The following ATG10 variants were observed in gnomAD, a reference collection of about 807,000 sequenced individuals.
ATG10 encodes autophagy related 10.
Under a neutral mutation model 32.1 loss-of-function variants are expected in ATG10, and 30 were observed. That is an observed-to-expected ratio of 0.94 (90% confidence interval 0.70 to 1.27). ATG10 has a LOEUF of 1.27. Among genes scored for constraint, ATG10 ranks in the 50% most tolerant of loss-of-function variants. The pLI is 0.00. For synonymous variants in ATG10, 87 were observed against 91.5 expected (o/e 0.95, Z 0.28); for missense variants, 233 against 262.3 (o/e 0.89, Z 0.77).
At chr5:82,057,792 T>C (rs926235746) in intron 2 of ATG10, among the ~76,000 whole-genome samples, 2 of 152,118 alleles carry the variant, frequency 1.3e-5, no homozygotes, top group Admixed American at 6.6e-5. Context: ...CAAATACTGG[T>C]AAAGGGCTCA....
chr5:82,139,920 C>T (rs1428406759), intron 3 of ATG10, among the ~76,000 whole-genome samples: 28 of 135,254 alleles, frequency 2.1e-4, no homozygotes, highest in Admixed American at 1.9e-3. Flanking sequence ...TGGCCAGCCG[C>T]CCCATCCGGG....
chr5:82,106,007 ATAATC>A (rs879315307), intron 3 of ATG10, among the ~76,000 whole-genome samples: 10 of 152,128 alleles, frequency 6.6e-5, no homozygotes, highest in Non-Finnish European at 1.2e-4. Flanking sequence ...GAAAGTAACT[ATAATC>A]AAATCAAATA....
intron 3 of ATG10, among the ~76,000 whole-genome samples, chr5:82,145,111 T>A (rs1205114200): frequency 6.6e-6 from 1 of 152,118 alleles, no homozygotes; most frequent in Non-Finnish European, 1.5e-5. Flanking sequence ...AACATTCTTA[T>A]GGTTATTGTT....
chr5:82,240,782 CA>C (rs1224716004), intron 5 of ATG10, among the ~76,000 whole-genome samples: 9 of 151,982 alleles, frequency 5.9e-5, no homozygotes, highest in African/African-American at 2.2e-4. Context: ...TAAATATGTA[CA>C]ACTATTATAT....
Position 82,143,843 on chromosome 5 carries a change from G to T in ATG10, c.217-20556G>T, listed in dbSNP as rs1017352663. Among the ~76,000 whole-genome samples the T allele has an allele frequency of 1.8e-4, 28 of 152,090 alleles. 1 individual carries two copies. The highest frequency in any genetic ancestry group is 1.8e-3 in the Admixed American group (28 of 15,268). On this transcript the variant is annotated intron_variant, in intron 3 of 7. Transcript: ENST00000282185. ...TCTGGCTTGTTATCAAGGTAATTTT[G>T]TCCTATAAAATGAGTAGAGAAGTGT... is the stretch of plus-strand genomic sequence containing the variant.
chr5:82,046,904 T>C (rs1285774503), intron 2 of ATG10, among the ~76,000 whole-genome samples: 1 of 151,968 alleles, frequency 6.6e-6, no homozygotes, highest in Admixed American at 6.6e-5. Flanking sequence ...AAGCAATAAT[T>C]TATGAAAGGA....
chr5:81,993,522 G>A (rs748858567), intron 2 of ATG10, among the ~76,000 whole-genome samples: 12 of 149,960 alleles, frequency 8.0e-5, no homozygotes, highest in Admixed American at 4.0e-4. Context: ...TGTGCCTCCC[G>A]GGTTCCAGTG....
intron 1 of ATG10, among the ~76,000 whole-genome samples, chr5:81,975,610 A>G (rs924498591): frequency 6.6e-6 from 1 of 152,096 alleles, no homozygotes; most frequent in Admixed American, 6.5e-5. Flanking sequence ...TGAGCCTGGC[A>G]GGTGGAGGTT....
intron 3 of ATG10, among the ~76,000 whole-genome samples, chr5:82,157,072 A>C (rs1767825920): frequency 6.6e-6 from 1 of 152,150 alleles, no homozygotes; most frequent in African/African-American, 2.4e-5. Flanking sequence ...GGGTTTCTGC[A>C]TCCCCTCCCT....
At chr5:82,070,458 A>G (rs1764093406) in intron 3 of ATG10, among the ~76,000 whole-genome samples, 1 of 152,288 alleles carries the variant, frequency 6.6e-6, no homozygotes, top group South Asian at 2.1e-4. Context: ...TTTTTTAGAT[A>G]TGAAAAAGAA....
At chr5:82,107,477 A>C (rs2149810336) in intron 3 of ATG10, among the ~76,000 whole-genome samples, 1 of 152,260 alleles carries the variant, frequency 6.6e-6, no homozygotes, top group African/African-American at 2.4e-5. Context: ...CTGCAAAGCC[A>C]GCAGAGGGAG....
intron 5 of ATG10, among the ~76,000 whole-genome samples, chr5:82,196,999 C>A (rs1294535848): frequency 6.6e-6 from 1 of 152,182 alleles, no homozygotes; most frequent in Non-Finnish European, 1.5e-5. Context: ...GCCATCTTAA[C>A]AAGATTCTAT....
chr5:82,194,660 C>T (rs975671752), intron 5 of ATG10, among the ~76,000 whole-genome samples: 7 of 152,138 alleles, frequency 4.6e-5, no homozygotes, highest in Admixed American at 6.6e-5. Context: ...TGCTTAGATC[C>T]CACAGCCTTG....
chr5:82,235,566 C>T (rs1746521572), intron 5 of ATG10, among the ~76,000 whole-genome samples: 1 of 152,190 alleles, frequency 6.6e-6, no homozygotes, highest in Non-Finnish European at 1.5e-5. Context: ...GTCCTCTATT[C>T]TCCATTATCC....
At chr5:82,108,139 C>T (rs1225575736) in intron 3 of ATG10, among the ~76,000 whole-genome samples, 2 of 151,810 alleles carry the variant, frequency 1.3e-5, no homozygotes, top group Admixed American at 6.6e-5. Flanking sequence ...CACACCATTT[C>T]GAGGAAACAA....
chr5:81,993,369 T>TTTCTTTCCTTCTTTC (rs1554039351), intron 2 of ATG10, among the ~76,000 whole-genome samples: 15 of 38,046 alleles, frequency 3.9e-4, no homozygotes, highest in Middle Eastern at 9.4e-3. Flanking sequence ...CCTTCTTTTC[T>TTTCTTTCCTTCTTTC]TTTCTTTTCT....
At chr5:82,169,592 G>A (rs567602964) in intron 4 of ATG10, among the ~76,000 whole-genome samples, 4 of 152,048 alleles carry the variant, frequency 2.6e-5, no homozygotes, top group Non-Finnish European at 5.9e-5. Flanking sequence ...AAAATTATTT[G>A]ACAGATAATT....
intron 3 of ATG10, among the ~76,000 whole-genome samples, chr5:82,129,355 A>G (rs1766417982): frequency 6.6e-6 from 1 of 151,440 alleles, no homozygotes; most frequent in Admixed American, 6.6e-5. Context: ...AATTCATCAA[A>G]CTCATTCCAT....
chr5:82,058,382 G>A (rs533556828), intron 2 of ATG10, 113 bp from the exon 3 acceptor site: 10 of 731,578 alleles, frequency 1.4e-5, no homozygotes, highest in Non-Finnish European at 2.2e-5. Flanking sequence ...GTCTCATTTA[G>A]TACATTTAGT....
Sources: gnomAD v4.1 joint callset for allele counts (sites outside exome capture counted in the v4.1 genomes callset) on GRCh38, gnomAD v4.1.1 for gene constraint, MANE v1.5 for transcripts, NCBI Gene and HGNC (gene_info 2026-07-23, HGNC 2026-07-21) for gene names.